The following TMEM132D variants were observed in gnomAD, a reference collection of about 807,000 sequenced individuals.
TMEM132D encodes mature OL transmembrane protein.
TMEM132D carries 21 observed loss-of-function variants against 62.3 expected under a neutral mutation model. The ratio of observed to expected loss-of-function variants is 0.34; its 90% CI spans 0.24 to 0.49. The LOEUF (loss-of-function observed/expected upper bound fraction) is 0.49. Among genes scored for constraint, TMEM132D ranks in the 20% least tolerant of loss-of-function variants. The probability of loss-of-function intolerance (pLI) is 0.99; values close to 1 mark genes in which losing one functional copy is unlikely to be tolerated. For missense variants in TMEM132D, 1,346 were observed against 1,402.8 expected, an observed-to-expected ratio of 0.96 and a Z score of 0.65; for synonymous variants, 621 against 575.6, an observed-to-expected ratio of 1.08 and a Z score of -1.13.
Position 129,887,366 on chromosome 12 carries a change from G to C in TMEM132D, c.79+15895C>G, listed in dbSNP as rs139528157. Reference sequence around the variant, plus strand: ...GAAAGTCCTCTGGTTTCAAAATATTGACAAGACATTCACAGTGCAGCCACA... The same window carrying C: ...GAAAGTCCTCTGGTTTCAAAATATTCACAAGACATTCACAGTGCAGCCACA... On this transcript the variant is annotated intron_variant, in intron 1 of 8. Transcript: ENST00000422113. 7.8e-4 allele frequency among the ~76,000 whole-genome samples: 119 copies of C among 152,246 alleles called. 2 individuals carry two copies. In the East Asian group the frequency reaches 0.018, roughly 23 times the overall value.
At chr12:129,259,231 T>G (rs1028286019) in intron 4 of TMEM132D, among the ~76,000 whole-genome samples, 4 of 152,094 alleles carry the variant, frequency 2.6e-5, no homozygotes, top group African/African-American at 9.7e-5. Context: ...TGCAGGAGGA[T>G]CTAGGCTGAG....
At chr12:129,439,537 C>A (rs1872881743) in intron 3 of TMEM132D, among the ~76,000 whole-genome samples, 1 of 152,086 alleles carries the variant, frequency 6.6e-6, no homozygotes, top group South Asian at 2.1e-4. Flanking sequence ...ACAACCTCCC[C>A]CTCCTGGGTT....
chr12:129,458,029 C>T (rs1302521689), intron 3 of TMEM132D, among the ~76,000 whole-genome samples: 5 of 152,200 alleles, frequency 3.3e-5, no homozygotes, highest in African/African-American at 2.4e-5. Context: ...ACGGGCACTT[C>T]CTCCAGGCCT....
intron 3 of TMEM132D, among the ~76,000 whole-genome samples, chr12:129,523,620 T>C (rs1218371483): frequency 2.0e-5 from 3 of 152,156 alleles, no homozygotes; most frequent in African/African-American, 2.4e-5. Context: ...TAATTCTAAA[T>C]TTGGTGCTCT....
rs549545624 is a variant in TMEM132D, at chr12:129,237,317, G to A, written c.1300-27654C>T. Reference sequence around the variant, plus strand: ...ATACAATAATCTCTTTCCTAAGTGTGAAGGATCACAGGACAGAGTTTAATG... The same window carrying A: ...ATACAATAATCTCTTTCCTAAGTGTAAAGGATCACAGGACAGAGTTTAATG... On this transcript the variant is annotated intron_variant, in intron 4 of 8. Coordinates refer to ENST00000422113, the MANE Select transcript of TMEM132D (RefSeq NM_133448.3). 3.9e-5 allele frequency among the ~76,000 whole-genome samples: 6 copies of A among 152,132 alleles called. No individual in the cohort carries two copies. The South Asian group carries it at 1.2e-3, about 32-fold the overall frequency.
At chr12:129,247,513 C>G (rs985233635) in intron 4 of TMEM132D, among the ~76,000 whole-genome samples, 2 of 152,176 alleles carry the variant, frequency 1.3e-5, no homozygotes, top group African/African-American at 4.8e-5. Context: ...AAGCCAAATC[C>G]TCAGCAGCTT....
chr12:129,611,577 AC>A (rs1189592404), intron 2 of TMEM132D, among the ~76,000 whole-genome samples: 1 of 152,178 alleles, frequency 6.6e-6, no homozygotes, highest in Non-Finnish European at 1.5e-5. Context: ...ATGGACGTTG[AC>A]TGGGGCTCTC....
At chr12:129,387,135 CACTAAT>C (rs1386209615) in intron 3 of TMEM132D, among the ~76,000 whole-genome samples, 1 of 152,006 alleles carries the variant, frequency 6.6e-6, no homozygotes, top group African/African-American at 2.4e-5. Context: ...CCAACACCAA[CACTAAT>C]ACTAACACCA....
At chr12:129,898,900 A>G (rs1875238637) in intron 1 of TMEM132D, among the ~76,000 whole-genome samples, 9 of 152,218 alleles carry the variant, frequency 5.9e-5, no homozygotes, top group Admixed American at 5.9e-4. Flanking sequence ...GGGAATGATG[A>G]ATACGAAACT....
intron 5 of TMEM132D, among the ~76,000 whole-genome samples, chr12:129,205,287 C>T (rs1455878858): frequency 1.3e-5 from 2 of 149,176 alleles, no homozygotes; most frequent in African/African-American, 5.0e-5. Flanking sequence ...CATGTAGTGA[C>T]ATCCATTGGC....
intron 1 of TMEM132D, among the ~76,000 whole-genome samples, chr12:129,769,922 C>T (rs1295123276): frequency 6.6e-6 from 1 of 152,064 alleles, no homozygotes; most frequent in Non-Finnish European, 1.5e-5. Flanking sequence ...CTTGCTGTGT[C>T]GCTGAGGCTA....
At chr12:129,816,296 T>C (rs1399201371) in intron 1 of TMEM132D, among the ~76,000 whole-genome samples, 1 of 152,238 alleles carries the variant, frequency 6.6e-6, no homozygotes, top group Non-Finnish European at 1.5e-5. Context: ...CTGATTATCA[T>C]TTATTACAAT....
At chr12:129,537,586 G>T (rs1225465465) in intron 2 of TMEM132D, among the ~76,000 whole-genome samples, 2 of 148,432 alleles carry the variant, frequency 1.3e-5, no homozygotes, top group African/African-American at 5.3e-5. Context: ...CTGCCCTTCT[G>T]GTGGGTAAAG....
chr12:129,557,185 T>C (rs1381131726), intron 2 of TMEM132D, among the ~76,000 whole-genome samples: 1 of 152,228 alleles, frequency 6.6e-6, no homozygotes, highest in Non-Finnish European at 1.5e-5. Flanking sequence ...CCACAGAATT[T>C]TGCTCTAATG....
intron 7 of TMEM132D, 39 bp downstream of exon 7, chr12:129,081,720 G>C (rs776990754): frequency 7.8e-6 from 12 of 1,535,670 alleles, no homozygotes; most frequent in Admixed American, 4.1e-5. Context: ...TGGGAAGACA[G>C]AGAGATCTTG....
At chr12:129,762,828 G>A (rs1216728426) in intron 1 of TMEM132D, among the ~76,000 whole-genome samples, 1 of 152,154 alleles carries the variant, frequency 6.6e-6, no homozygotes, top group Non-Finnish European at 1.5e-5. Context: ...TGAAAAAGCT[G>A]TCTAATATGT....
intron 1 of TMEM132D, among the ~76,000 whole-genome samples, chr12:129,894,723 C>G (rs933469836): frequency 2.3e-5 from 3 of 128,958 alleles, no homozygotes; most frequent in Admixed American, 1.5e-4. Context: ...TCGCACCTTC[C>G]TTGTTGGTTT....
intron 5 of TMEM132D, among the ~76,000 whole-genome samples, chr12:129,117,507 T>G (rs773882361): frequency 1.3e-5 from 2 of 152,308 alleles, no homozygotes; most frequent in Non-Finnish European, 2.9e-5. Flanking sequence ...CTAATCTAAG[T>G]GTTTTCCACA....
chr12:129,589,696 C>A (rs2137133704), intron 2 of TMEM132D, among the ~76,000 whole-genome samples: 2 of 152,226 alleles, frequency 1.3e-5, no homozygotes, highest in Middle Eastern at 3.4e-3. Context: ...GGCAGGTGGA[C>A]CAAAGCTTAT....
Sources: gnomAD v4.1 joint callset for allele counts (sites outside exome capture counted in the v4.1 genomes callset) on GRCh38, gnomAD v4.1.1 for gene constraint, MANE v1.5 for transcripts, NCBI Gene and HGNC (gene_info 2026-07-23, HGNC 2026-07-21) for gene names.